The following RNF144B variants were observed in gnomAD, a reference collection of about 807,000 sequenced individuals.
RNF144B encodes the protein ring finger protein 144B.
RNF144B carries 25 observed loss-of-function variants against 40.2 expected under a neutral mutation model. That is an observed-to-expected ratio of 0.62 (90% CI 0.45 to 0.87). The LOEUF (loss-of-function observed/expected upper bound fraction) is 0.87. Among genes scored for constraint, RNF144B ranks in the 40% least tolerant of loss-of-function variants. RNF144B has a pLI of 0.00. For synonymous variants in RNF144B, 145 were observed against 136.3 expected, an observed-to-expected ratio of 1.06 and a Z score of -0.44; for missense variants, 365 against 373.7, an observed-to-expected ratio of 0.98 and a Z score of 0.19.
chr6:18,424,639 C>T (rs1758507294), intron 2 of RNF144B, among the ~76,000 whole-genome samples: 1 of 152,122 alleles, frequency 6.6e-6, no homozygotes. Context: ...GAGGCACATC[C>T]ATTATAAGCT....
intron 2 of RNF144B, among the ~76,000 whole-genome samples, chr6:18,426,848 A>G (rs1412484022): frequency 2.2e-5 from 3 of 138,980 alleles, no homozygotes; most frequent in Non-Finnish European, 4.8e-5. Flanking sequence ...TCTTTTTTCT[A>G]TTCAATTTCT....
intron 2 of RNF144B, among the ~76,000 whole-genome samples, chr6:18,409,557 T>A: frequency 7.8e-6 from 1 of 127,848 alleles, no homozygotes; most frequent in Non-Finnish European, 1.6e-5. Context: ...TTCACTTGCA[T>A]AACCTTTTTT....
At chr6:18,453,506 A>G (rs1313078759) in intron 4 of RNF144B, among the ~76,000 whole-genome samples, 1 of 151,682 alleles carries the variant, frequency 6.6e-6, no homozygotes, top group African/African-American at 2.4e-5. Context: ...AAATTGTTAT[A>G]TTGATTTATT....
In RNF144B at chr6:18,387,391, G is replaced by A. The variant is rs1794467876; in HGVS notation, c.-276G>A. On this transcript the variant is annotated 5_prime_UTR_variant, in exon 1 of 8. Transcript: ENST00000259939. Reference sequence around the variant, plus strand: ...TCCCGCTGCAACAGTCCCGGGCATCGCAGCTGCCAGTCAAGGCTAGGAGGC... The same window carrying A: ...TCCCGCTGCAACAGTCCCGGGCATCACAGCTGCCAGTCAAGGCTAGGAGGC... The A allele has an allele frequency of 4.3e-6, 5 of 1,161,484 alleles. No homozygotes were observed. Among genetic ancestry groups the A allele is most frequent in the Non-Finnish European group, 5.4e-6 (5 of 924,852 alleles). 71.9% of individuals were successfully genotyped at this position (1,161,484 alleles called of 1,614,324 possible).
At chr6:18,463,093 G>T (rs953695025) in intron 6 of RNF144B, among the ~76,000 whole-genome samples, 198 bp from the exon 7 acceptor site, 2 of 149,406 alleles carry the variant, frequency 1.3e-5, no homozygotes, top group African/African-American at 2.5e-5. Context: ...ATTGAGATTC[G>T]TATTGATTAT....
At position 18,468,314 on chromosome 6, in the gene RNF144B, T is replaced by G. The variant is rs553014308; in HGVS notation, c.*3247T>G. The G allele has an allele frequency of 6.6e-6, 1 of 152,328 alleles. No homozygotes were observed. Among genetic ancestry groups the G allele is most frequent in the East Asian group, 1.9e-4 (1 of 5,184 alleles). The allele number at this position is 152,328 out of a possible 1,614,324, so 9.4% of individuals were successfully genotyped here. A position where few individuals can be genotyped will look rare whatever the true frequency, so the allele number is the denominator to read the frequency against. ...GGTAGGGAAGTGAGGAGGAAAGCCA[T>G]GCCGAAGCAAATGTTAGAATCTTAG... On this transcript the variant is annotated 3_prime_UTR_variant, in exon 8 of 8. Coordinates refer to ENST00000259939, the MANE Select transcript of RNF144B (RefSeq NM_182757.4).
At chr6:18,399,740 G>A in intron 2 of RNF144B, 41 bp downstream of exon 2, 1 of 1,505,486 alleles carries the variant, frequency 6.6e-7, no homozygotes. Context: ...AAAATACAAA[G>A]GGAAAAATCA....
intron 2 of RNF144B, 95 bp from the exon 3 acceptor site, chr6:18,427,486 C>CCTCAGGA: frequency 1.4e-6 from 1 of 736,542 alleles, no homozygotes; most frequent in South Asian, 1.8e-5. Context: ...CTCAGGACAG[C>CCTCAGGA]CAATTAAGGA....
chr6:18,395,394 A>G lies in RNF144B; in HGVS notation c.-36-4105A>G, dbSNP rs1794673516. On this transcript the variant is annotated intron_variant, in intron 1 of 7. Coordinates refer to ENST00000259939, the MANE Select transcript of RNF144B (RefSeq NM_182757.4). This position sits in a 1 kb window ranked among gnomAD's most constrained non-coding sequence, Gnocchi z 4.5. Reference sequence around the variant, plus strand: ...CTGAGGCTCTACTATTGGGGGTTTCATGCTGTGAAGACCGGTGAATAGTAA... The same window carrying G: ...CTGAGGCTCTACTATTGGGGGTTTCGTGCTGTGAAGACCGGTGAATAGTAA... Among the ~76,000 whole-genome samples, 1 of 152,142 alleles carries G rather than the reference A, an allele frequency of 6.6e-6. No homozygotes were observed. The highest frequency in any genetic ancestry group is 2.1e-4 in the South Asian group (1 of 4,814).
At chr6:18,397,977 C>G (rs1007864787) in intron 1 of RNF144B, among the ~76,000 whole-genome samples, 3 of 152,056 alleles carry the variant, frequency 2.0e-5, no homozygotes, top group African/African-American at 7.2e-5. Flanking sequence ...TTGAACATGC[C>G]AGGTGAGGAA....
intron 2 of RNF144B, among the ~76,000 whole-genome samples, chr6:18,407,876 A>G (rs1011965837): frequency 4.6e-5 from 7 of 152,082 alleles, no homozygotes; most frequent in African/African-American, 1.7e-4. Context: ...TATTAGTTCC[A>G]ATTCTGTCAA....
chr6:18,451,531 GAA>G (rs1173690828), intron 4 of RNF144B, among the ~76,000 whole-genome samples: 1 of 152,192 alleles, frequency 6.6e-6, no homozygotes, highest in Non-Finnish European at 1.5e-5. Context: ...ACCATGAGAA[GAA>G]AAGAGAGGGC....
Position 18,468,178 on chromosome 6 carries a change from C to A in RNF144B, c.*3111C>A, listed in dbSNP as rs72834112. 2 of 152,054 alleles carry A rather than the reference C, an allele frequency of 1.3e-5. No individual in the cohort carries two copies. Among genetic ancestry groups the A allele is most frequent in the African/African-American group, 4.8e-5 (2 of 41,398 alleles). 9.4% of individuals were successfully genotyped at this position (152,054 alleles called of 1,614,324 possible). On this transcript the variant is annotated 3_prime_UTR_variant, in exon 8 of 8. Coordinates refer to ENST00000259939, the MANE Select transcript of RNF144B (RefSeq NM_182757.4). ...CATTTGCAATAGAAATAAAAAAATC[C>A]GTCACCAAATTGTAACCTGGATGTT...
At chr6:18,427,812 C>G in intron 3 of RNF144B, 127 bp downstream of exon 3, 5 of 616,378 alleles carry the variant, frequency 8.1e-6, no homozygotes, top group Non-Finnish European at 1.1e-5. Context: ...TTTAAAGGAG[C>G]ACTTTATTGC....
At chr6:18,420,408 T>C (rs1216207669) in intron 2 of RNF144B, among the ~76,000 whole-genome samples, 1 of 152,080 alleles carries the variant, frequency 6.6e-6, no homozygotes, top group Non-Finnish European at 1.5e-5. Flanking sequence ...GGTCCTGTGA[T>C]TGATTAGGTG....
At chr6:18,415,786 G>C (rs1245722962) in intron 2 of RNF144B, among the ~76,000 whole-genome samples, 1 of 151,784 alleles carries the variant, frequency 6.6e-6, no homozygotes, top group Non-Finnish European at 1.5e-5. Flanking sequence ...CAGGTGACTA[G>C]CATAGCCGTA....
rs575929352 is a variant in RNF144B, at chr6:18,445,803, T to G, written c.331+6059T>G. 7.9e-5 allele frequency among the ~76,000 whole-genome samples: 12 copies of G among 152,308 alleles called. No individual in the cohort carries two copies. The South Asian group carries it at 2.5e-3, about 32-fold the overall frequency. On this transcript the variant is annotated intron_variant, in intron 4 of 7. Transcript: ENST00000259939. ...TTGACTAGGCATCAGTTCACTTTCT[T>G]CCAACATTGGAATAGAAATTTGAAG...
At chr6:18,428,514 G>A (rs4716244) in intron 3 of RNF144B, among the ~76,000 whole-genome samples, 19,382 of 151,660 alleles carry the variant, frequency 0.13, 1,392 homozygotes, top group Admixed American at 0.19. Context: ...ATATCCCCTC[G>A]TTTGTTCAAT....
At chr6:18,451,409 C>G (rs1759207215) in intron 4 of RNF144B, among the ~76,000 whole-genome samples, 1 of 152,132 alleles carries the variant, frequency 6.6e-6, no homozygotes, top group East Asian at 1.9e-4. Context: ...GAAGTCGAGG[C>G]TTACTTACGA....
Sources: gnomAD v4.1 joint callset for allele counts (sites outside exome capture counted in the v4.1 genomes callset) on GRCh38, gnomAD v4.1.1 for gene constraint, Gnocchi (gnomAD v3.1) non-coding constraint, MANE v1.5 for transcripts, NCBI Gene and HGNC (gene_info 2026-07-23, HGNC 2026-07-21) for gene names.